The following COG7 variants were observed in gnomAD, a reference collection of about 807,000 sequenced individuals.
COG7 encodes conserved oligomeric Golgi complex subunit 7.
A neutral mutation model predicts 91.5 loss-of-function variants in COG7; 49 were observed. That is an observed-to-expected ratio of 0.54 (90% CI 0.43 to 0.68). The LOEUF (loss-of-function observed/expected upper bound fraction) is 0.68, where lower values mean the gene tolerates loss of function less well. COG7 is among the 30% of genes least tolerant of loss of function. COG7 has a pLI of 0.00. For synonymous variants in COG7, 365 were observed against 388.7 expected, an observed-to-expected ratio of 0.94 and a Z score of 0.72; for missense variants, 895 against 961.3, an observed-to-expected ratio of 0.93 and a Z score of 0.91.
rs747130927 is a variant in COG7, at chr16:23,389,019, C to T, written c.2214G>A (p.Thr738=). 17 of 1,613,930 alleles carry T rather than the reference C, an allele frequency of 1.1e-5. No homozygotes were observed. The highest frequency in any genetic ancestry group is 4.5e-5 in the East Asian group (2 of 44,874). The change falls in exon 17 of 17, where the codon ACG becomes ACA. Residue 738 remains threonine, a synonymous_variant. Coordinates refer to ENST00000307149, the MANE Select transcript of COG7 (RefSeq NM_153603.4). ...QPSRTLQHIV[T]LLKTRPEDYR... ...AGTCCTCAGGCCTGGTCTTCAGTAG[C>T]GTCACGATGTGCTGGAGGGTGCGGG...
rs114458562 is a variant in COG7, at chr16:23,393,264, G to T, written c.1971C>A (p.His657Gln). 2.5e-6 allele frequency: 4 copies of T among 1,613,852 alleles called. No homozygotes were observed. The highest frequency in any genetic ancestry group is 2.2e-5 in the East Asian group (1 of 44,888). Reference protein sequence around the residue: ...QEDSALELALHAGKLPFPPEQ... With the variant: ...QEDSALELALQAGKLPFPPEQ... ...CAGGAGGAAATGGCAGCTTTCCAGCGTGCAATGCCAACTCTAAGGCAGAGT... is the reference window on the plus strand; with the variant it reads ...CAGGAGGAAATGGCAGCTTTCCAGCTTGCAATGCCAACTCTAAGGCAGAGT... Residue 657 changes from histidine (H) to glutamine (Q), a missense_variant, in exon 15 of 17, where the codon CAC (histidine) becomes CAA (glutamine). Transcript: ENST00000307149.
chr16:23,452,435 C>G (rs979286796), intron 1 of COG7, among the ~76,000 whole-genome samples: 1 of 151,964 alleles, frequency 6.6e-6, no homozygotes, highest in Non-Finnish European at 1.5e-5. Flanking sequence ...TTGTGGGGCG[C>G]GGTGGCTCGC....
At position 23,393,145 on chromosome 16, in the gene COG7, G is replaced by A. The variant is rs1053523164; in HGVS notation, c.2002+88C>T. Reference sequence around the variant, plus strand: ...AAAAAAACAGGACTTGGTGACAAATGAGCCCAAGGATAAGGTGTCATCTGG... The same window carrying A: ...AAAAAAACAGGACTTGGTGACAAATAAGCCCAAGGATAAGGTGTCATCTGG... On this transcript the variant is annotated intron_variant, in intron 15 of 16. Coordinates refer to ENST00000307149, the MANE Select transcript of COG7 (RefSeq NM_153603.4). 5 of 913,446 alleles carry A rather than the reference G, an allele frequency of 5.5e-6. No individual in the cohort carries two copies. The African/African-American group carries it at 6.5e-5, about 12-fold the overall frequency. 56.6% of individuals were successfully genotyped at this position (913,446 alleles called of 1,614,324 possible). A position where few individuals can be genotyped will look rare whatever the true frequency, so the allele number is the denominator to read the frequency against.
intron 1 of COG7, among the ~76,000 whole-genome samples, chr16:23,448,056 T>C (rs1187271569): frequency 1.3e-5 from 2 of 152,164 alleles, no homozygotes; most frequent in African/African-American, 4.8e-5. Context: ...ACTGACTAAA[T>C]GGAGAAATTG....
At chr16:23,393,525 C>G (rs1351926300) in intron 14 of COG7, 178 bp from the exon 15 acceptor site, 1 of 619,236 alleles carries the variant, frequency 1.6e-6, no homozygotes, top group Non-Finnish European at 2.9e-6. Context: ...AAAAAAGAAT[C>G]ACTGGTAGCT....
At position 23,433,168 on chromosome 16, in the gene COG7, C is replaced by T. The variant is rs76427094; in HGVS notation, c.810+377G>A. 1.6e-3 allele frequency among the ~76,000 whole-genome samples: 246 copies of T among 152,206 alleles called. 1 individual carries two copies. Among genetic ancestry groups the T allele is most frequent in the African/African-American group, 5.5e-3 (230 of 41,534 alleles). On this transcript the variant is annotated intron_variant, in intron 6 of 16. Transcript: ENST00000307149. ...TTGTCCAAGCTGAAGTGTAGTGGTGCGACCATAGTCACTGTGGCCTCAACC... is the reference window on the plus strand; with the variant it reads ...TTGTCCAAGCTGAAGTGTAGTGGTGTGACCATAGTCACTGTGGCCTCAACC...
At chr16:23,451,725 CA>C (rs34572078) in intron 1 of COG7, among the ~76,000 whole-genome samples, 19,507 of 78,420 alleles carry the variant, frequency 0.25, 1,017 homozygotes, top group East Asian at 0.38. Context: ...GACCCTGTCT[CA>C]AAAAAAAAAA....
intron 6 of COG7, among the ~76,000 whole-genome samples, chr16:23,425,152 A>C (rs1414126961): frequency 6.6e-6 from 1 of 152,200 alleles, no homozygotes; most frequent in African/African-American, 2.4e-5. Context: ...TCTACTAAAA[A>C]TACAAAAATT....
chr16:23,436,767 C>T (rs1964019702), intron 4 of COG7, among the ~76,000 whole-genome samples: 1 of 152,212 alleles, frequency 6.6e-6, no homozygotes, highest in Non-Finnish European at 1.5e-5. Flanking sequence ...AAAGAACTAC[C>T]TCAGCCTTCC....
rs1964118242 is a variant in COG7 at position 23,442,534 on chromosome 16, T to C, written c.547A>G (p.Arg183Gly). 3.7e-6 allele frequency: 6 copies of C among 1,614,168 alleles called. No homozygotes were observed. The highest frequency in any genetic ancestry group is 1.7e-5 in the Admixed American group (1 of 60,010). Residue 183 changes from arginine (R) to glycine (G), a missense_variant, in exon 4 of 17, where the codon AGG becomes GGG. Coordinates refer to ENST00000307149, the MANE Select transcript of COG7 (RefSeq NM_153603.4). ...KCVHLEALKNRLEALASPQIV... is the reference protein window; with the variant it reads ...KCVHLEALKNGLEALASPQIV... ...TGTGGACTGGCTAGGGCCTCCAGCC[T>C]GTTCTTCAGTGCCTCCAAGTGCACA...
Position 23,421,821 on chromosome 16 carries a change from C to T in COG7, c.1009+2928G>A, listed in dbSNP as rs551488741. Among the ~76,000 whole-genome samples the T allele has an allele frequency of 1.7e-4, 25 of 145,014 alleles. No individual in the cohort carries two copies. The South Asian group carries it at 5.0e-3, about 29-fold the overall frequency. ...AGCCGAAATTGTGCCACTGCACTCCCGCCTGGGCAACAGAGTGAGACTCCA... is the reference window on the plus strand; with the variant it reads ...AGCCGAAATTGTGCCACTGCACTCCTGCCTGGGCAACAGAGTGAGACTCCA... On this transcript the variant is annotated intron_variant, in intron 7 of 16. Coordinates refer to ENST00000307149, the MANE Select transcript of COG7 (RefSeq NM_153603.4).
chr16:23,445,590 T>C (rs1964168334), intron 2 of COG7, among the ~76,000 whole-genome samples: 1 of 151,752 alleles, frequency 6.6e-6, no homozygotes, highest in African/African-American at 2.4e-5. Context: ...GAGGTGGAGG[T>C]TGCCATGAGC....
intron 6 of COG7, among the ~76,000 whole-genome samples, chr16:23,429,383 CA>C (rs71154213): frequency 0.29 from 43,239 of 149,002 alleles, 6,999 homozygotes; most frequent in African/African-American, 0.45. Context: ...CATGTGTCTA[CA>C]AAAAAAAAAC....
chr16:23,404,618 G>A (rs557167237), intron 12 of COG7, among the ~76,000 whole-genome samples: 4 of 152,216 alleles, frequency 2.6e-5, no homozygotes, highest in Non-Finnish European at 5.9e-5. Flanking sequence ...CTAGGCTGTG[G>A]ATAATTTTCT....
chr16:23,422,332 A>G (rs559892680), intron 7 of COG7, among the ~76,000 whole-genome samples: 3 of 151,956 alleles, frequency 2.0e-5, no homozygotes, highest in Non-Finnish European at 4.4e-5. Context: ...AAAAAAAAAT[A>G]AAGACAACAA....
At chr16:23,436,957 C>T (rs1051158930) in intron 4 of COG7, among the ~76,000 whole-genome samples, 1 of 152,068 alleles carries the variant, frequency 6.6e-6, no homozygotes, top group Admixed American at 6.6e-5. Context: ...TCACTTTGGG[C>T]CACAATGGGT....
At chr16:23,408,068 A>T (rs1963491538) in intron 11 of COG7, among the ~76,000 whole-genome samples, 1 of 130,298 alleles carries the variant, frequency 7.7e-6, no homozygotes, top group South Asian at 2.7e-4. Flanking sequence ...GCACAGTGGG[A>T]AGGGAGGTAG....
At chr16:23,450,654 C>A (rs1222138137) in intron 1 of COG7, among the ~76,000 whole-genome samples, 8 of 151,594 alleles carry the variant, frequency 5.3e-5, no homozygotes, top group African/African-American at 1.9e-4. Context: ...ATAGTGAGAC[C>A]CCATCTCTAC....
chr16:23,413,436 C>T lies in COG7; in HGVS notation c.1409+12G>A, dbSNP rs768272185. The T allele has an allele frequency of 3.9e-6, 5 of 1,294,668 alleles. No individual in the cohort carries two copies. In the African/African-American group the frequency reaches 7.3e-5, roughly 19 times the overall value. 80.2% of individuals were successfully genotyped at this position (1,294,668 alleles called of 1,614,324 possible). ...CATTAGGAACAAGCTTGAATTACAA[C>T]CCCCGGTTTACCTAATGGAGTTCTG... On this transcript the variant is annotated intron_variant, in intron 10 of 16. Coordinates refer to ENST00000307149, the MANE Select transcript of COG7 (RefSeq NM_153603.4).
Sources: allele counts gnomAD v4.1 joint callset (sites outside exome capture counted in the v4.1 genomes callset), GRCh38; gene constraint gnomAD v4.1.1; transcripts MANE v1.5; gene names NCBI Gene and HGNC (gene_info 2026-07-23, HGNC 2026-07-21).